RAPGEF6: variants seen among roughly 807,000 people sequenced by gnomAD.
The protein encoded by RAPGEF6 is Rap guanine nucleotide exchange factor 6, also known as PDZ domain containing guanine nucleotide exchange factor (GEF) 2.
In RAPGEF6, 56 loss-of-function variants were observed where a neutral mutation model predicts 171.4. That is an observed-to-expected ratio of 0.33 (90% CI 0.26 to 0.41). The LOEUF (loss-of-function observed/expected upper bound fraction) is 0.41. Ranked by LOEUF, RAPGEF6 falls within the 10% of genes least tolerant of loss-of-function variation. RAPGEF6 has a pLI of 1.00. For missense variants in RAPGEF6, 1,674 were observed against 1,921.4 expected (o/e 0.87, Z 2.41); for synonymous variants, 692 against 650.1 (o/e 1.06, Z -0.98).
chr5:131,461,974 G>A lies in RAPGEF6; in HGVS notation c.2595C>T (p.Ala865=). 1.9e-6 allele frequency: 3 copies of A among 1,614,098 alleles called. No individual in the cohort carries two copies. The highest frequency in any genetic ancestry group is 2.5e-6 in the Non-Finnish European group (3 of 1,180,006). ...CAAAGTCCCTCATTGACAGCTGGGT[G>A]GCCACCTCAATGGTACTGAGCTGCA... is the stretch of plus-strand genomic sequence containing the variant. ...SMLQLSTIEV[A]TQLSMRDFDL... is the part of the protein sequence containing the mutation. Residue 865 remains alanine (A), a synonymous_variant, in exon 19 of 28, where the codon GCC becomes GCT. Coordinates refer to ENST00000509018, the MANE Select transcript of RAPGEF6 (RefSeq NM_016340.6).
chr5:131,440,754 A>G (rs969771057), intron 23 of RAPGEF6, among the ~76,000 whole-genome samples: 6 of 151,410 alleles, frequency 4.0e-5, no homozygotes, highest in African/African-American at 1.2e-4. Context: ...AAAAAAAAAA[A>G]AAAAAAAGAA....
At chr5:131,488,837 A>G (rs1042611525) in intron 15 of RAPGEF6, among the ~76,000 whole-genome samples, 2 of 152,288 alleles carry the variant, frequency 1.3e-5, no homozygotes, top group East Asian at 3.9e-4. Flanking sequence ...TGTTATTTCA[A>G]TTGCTGTATG....
chr5:131,576,319 T>C (rs1408313074), intron 4 of RAPGEF6, among the ~76,000 whole-genome samples: 2 of 152,190 alleles, frequency 1.3e-5, no homozygotes, highest in African/African-American at 4.8e-5. Flanking sequence ...CCCTGCCCGC[T>C]TCCACTACCT....
At chr5:131,528,275 TTA>T (rs1158226677) in intron 6 of RAPGEF6, among the ~76,000 whole-genome samples, 2,750 of 123,656 alleles carry the variant, frequency 0.022, 104 homozygotes, top group African/African-American at 0.075. Context: ...TATATTTATA[TTA>T]TATATATATA....
chr5:131,482,195 G>A (rs972799049), intron 15 of RAPGEF6, among the ~76,000 whole-genome samples: 2 of 152,146 alleles, frequency 1.3e-5, no homozygotes, highest in African/African-American at 2.4e-5. Context: ...CTTCCATAAA[G>A]TCTGCATGAT....
In RAPGEF6 at chr5:131,429,008, G is replaced by T; in HGVS notation, c.4674C>A (p.Leu1558=). 6.2e-7 allele frequency: 1 copy of T among 1,614,168 alleles called. No homozygotes were observed. Among genetic ancestry groups the T allele is most frequent in the Non-Finnish European group, 8.5e-7 (1 of 1,180,020 alleles). Reference sequence around the variant, plus strand: ...CAATCTTCGATGGAACACAGGCCACGAGGTTGCTACTGAGAGAAGCTGGTG... The same window carrying T: ...CAATCTTCGATGGAACACAGGCCACTAGGTTGCTACTGAGAGAAGCTGGTG... The part of the protein sequence containing the change: ...RLPPASLSSN[L]VACVPSKIVT... Residue 1558 remains leucine, a synonymous_variant, in exon 27 of 28, where the codon CTC becomes CTA. Coordinates refer to ENST00000509018, the MANE Select transcript of RAPGEF6 (RefSeq NM_016340.6).
intron 17 of RAPGEF6, among the ~76,000 whole-genome samples, chr5:131,464,542 T>C (rs1375729524): frequency 1.3e-5 from 2 of 152,102 alleles, no homozygotes; most frequent in African/African-American, 4.8e-5. Flanking sequence ...AATTTTTTCA[T>C]TTAATATCTT....
In RAPGEF6 at chr5:131,462,037, A is replaced by G. The variant is rs1309768714; in HGVS notation, c.2532T>C (p.Asp844=). The change falls in exon 19 of 28, where the codon GAT becomes GAC. Residue 844 remains aspartate (D), a synonymous_variant. Coordinates refer to ENST00000509018, the MANE Select transcript of RAPGEF6 (RefSeq NM_016340.6). ...METETLCSDE[D]AQELVKESQL... is the part of the protein sequence containing the mutation. ...GGCTTTCCTTAACTAGTTCTTGAGC[A>G]TCTTCATCTGAACATAAGGTTTCTG... 3 of 1,611,676 alleles carry G rather than the reference A, an allele frequency of 1.9e-6. No homozygotes were observed. Among genetic ancestry groups the G allele is most frequent in the Non-Finnish European group, 2.5e-6 (3 of 1,178,908 alleles).
rs751779019 is a variant in RAPGEF6 at position 131,548,155 on chromosome 5, T to C, written c.387A>G (p.Leu129=). The C allele has an allele frequency of 1.1e-5, 17 of 1,613,880 alleles. No individual in the cohort carries two copies. In the East Asian group the frequency reaches 3.3e-4, roughly 32 times the overall value. The change falls in exon 6 of 28, where the codon CTA becomes CTG. Residue 129 remains leucine (L), a synonymous_variant. Coordinates refer to ENST00000509018, the MANE Select transcript of RAPGEF6 (RefSeq NM_016340.6). ...ATTGTCTGGCAGGAATTTCTCTTTGTAGAATACTATCTTCATTATCTTTGG... is the reference window on the plus strand; with the variant it reads ...ATTGTCTGGCAGGAATTTCTCTTTGCAGAATACTATCTTCATTATCTTTGG... The part of the protein sequence containing the change: ...ENAKDNEDSI[L]QREIPARQSR...
intron 13 of RAPGEF6, 38 bp downstream of exon 13, chr5:131,495,515 A>T: frequency 1.3e-6 from 2 of 1,527,708 alleles, no homozygotes; most frequent in Non-Finnish European, 1.8e-6. Context: ...AGGGGGGACC[A>T]CTACACTCTG....
chr5:131,441,452 C>T (rs1752379540), intron 23 of RAPGEF6, among the ~76,000 whole-genome samples: 1 of 152,234 alleles, frequency 6.6e-6, no homozygotes, highest in African/African-American at 2.4e-5. Context: ...GAAGCAACTT[C>T]TCTGGAACTT....
At chr5:131,459,676 AAT>A (rs1429392496) in intron 19 of RAPGEF6, among the ~76,000 whole-genome samples, 1 of 152,226 alleles carries the variant, frequency 6.6e-6, no homozygotes, top group Admixed American at 6.5e-5. Flanking sequence ...TTGTTTAAAA[AAT>A]ATGAGACAAC....
intron 24 of RAPGEF6, among the ~76,000 whole-genome samples, chr5:131,438,565 G>C (rs991459733): frequency 2.0e-5 from 3 of 152,324 alleles, no homozygotes; most frequent in African/African-American, 7.2e-5. Context: ...CTGTGAAGAA[G>C]ATGCCAGGAC....
At chr5:131,587,108 T>C (rs1293498197) in intron 4 of RAPGEF6, among the ~76,000 whole-genome samples, 1 of 152,202 alleles carries the variant, frequency 6.6e-6, no homozygotes, top group Non-Finnish European at 1.5e-5. Flanking sequence ...TTTTCCTTTT[T>C]GCCCAATAGA....
chr5:131,597,308 G>A (rs1763959803), intron 3 of RAPGEF6, among the ~76,000 whole-genome samples: 2 of 149,636 alleles, frequency 1.3e-5, no homozygotes, highest in Middle Eastern at 3.4e-3. Context: ...CAATATGGAG[G>A]TTACTAAAAA....
chr5:131,482,963 G>A (rs1446125523), intron 15 of RAPGEF6, among the ~76,000 whole-genome samples: 1 of 152,192 alleles, frequency 6.6e-6, no homozygotes, highest in African/African-American at 2.4e-5. Flanking sequence ...CTATGCTAAA[G>A]TATTGAAATT....
In RAPGEF6 at chr5:131,489,543, C is replaced by T. The variant is rs756286347; in HGVS notation, c.1840+3G>A. The T allele has an allele frequency of 2.6e-6, 4 of 1,548,316 alleles. No individual in the cohort carries two copies. The highest frequency in any genetic ancestry group is 3.5e-6 in the Non-Finnish European group (4 of 1,139,008). ...TTCAGGCAATTTTTACAACAAAACT[C>T]ACCAAAAATGTTGGTCTTCACAGTA... On this transcript the variant is annotated splice_donor_region_variant and intron_variant, in intron 15 of 27. Coordinates refer to ENST00000509018, the MANE Select transcript of RAPGEF6 (RefSeq NM_016340.6).
intron 1 of RAPGEF6, among the ~76,000 whole-genome samples, chr5:131,612,581 A>G (rs1290728599): frequency 1.3e-5 from 2 of 152,194 alleles, no homozygotes; most frequent in African/African-American, 4.8e-5. Flanking sequence ...GTAGGCAGGC[A>G]GGCACTCACA....
At chr5:131,601,205 G>A (rs967308552) in intron 3 of RAPGEF6, among the ~76,000 whole-genome samples, 11 of 151,764 alleles carry the variant, frequency 7.2e-5, no homozygotes, top group Admixed American at 7.2e-4. Flanking sequence ...CCAACATGGT[G>A]AAACCCCATC....
Sources: gnomAD v4.1 joint callset for allele counts (sites outside exome capture counted in the v4.1 genomes callset) on GRCh38, gnomAD v4.1.1 for gene constraint, MANE v1.5 for transcripts, NCBI Gene and HGNC (gene_info 2026-07-23, HGNC 2026-07-21) for gene names.